Variants in SLC44A5 observed in about 807,000 individuals in gnomAD.
The protein encoded by SLC44A5 is choline transporter-like protein 5.
A neutral mutation model predicts 101.8 loss-of-function variants in SLC44A5; 57 were observed. The ratio of observed to expected loss-of-function variants is 0.56; its 90% CI spans 0.45 to 0.70. The LOEUF (loss-of-function observed/expected upper bound fraction) is 0.70. Ranked by LOEUF, SLC44A5 falls within the 30% of genes least tolerant of loss-of-function variation. The probability of loss-of-function intolerance (pLI) is 0.00; values close to 1 mark genes in which losing one functional copy is unlikely to be tolerated. For missense variants in SLC44A5, 737 were observed against 853.1 expected (o/e 0.86, Z 1.70); for synonymous variants, 281 against 290.9 (o/e 0.97, Z 0.35).
chr1:75,655,410 G>A, the SLC44A5 span, among the ~76,000 whole-genome samples: 2 of 152,220 alleles, frequency 1.3e-5, no homozygotes, highest in African/African-American at 4.8e-5. Context: ...TGTCTAGCAA[G>A]AGGAAAGTGG....
chr1:75,569,305 A>T lies in SLC44A5; in HGVS notation c.-69-27789T>A, dbSNP rs1570636174. 2.0e-5 allele frequency among the ~76,000 whole-genome samples: 3 copies of T among 146,424 alleles called. No individual in the cohort carries two copies. In the South Asian group the frequency reaches 6.5e-4, roughly 31 times the overall value. ...GCCCAGGCTGGAGTGCAGCAGCATA[A>T]TCATGGCTCACTGCAGCTTCTACCT... On this transcript the variant is annotated intron_variant, in intron 1 of 23. Transcript: ENST00000370859.
chr1:75,327,485 G>A (rs1656690062), intron 4 of SLC44A5, among the ~76,000 whole-genome samples: 1 of 152,172 alleles, frequency 6.6e-6, no homozygotes, highest in Non-Finnish European at 1.5e-5. Flanking sequence ...AAGGCTAGCA[G>A]TGAAAAGCTA....
At chr1:75,336,392 G>C (rs780090596) in intron 4 of SLC44A5, among the ~76,000 whole-genome samples, 27 of 152,242 alleles carry the variant, frequency 1.8e-4, no homozygotes, top group Non-Finnish European at 3.5e-4. Flanking sequence ...GGCCTCAACT[G>C]ATCTGCCGGC....
chr1:75,686,765 G>A, the SLC44A5 span, among the ~76,000 whole-genome samples: 1 of 152,216 alleles, frequency 6.6e-6, no homozygotes, highest in African/African-American at 2.4e-5. Flanking sequence ...AGAGATGATG[G>A]TTGCTAGGAG....
At chr1:75,434,555 T>C (rs1385931833) in intron 2 of SLC44A5, among the ~76,000 whole-genome samples, 1 of 152,124 alleles carries the variant, frequency 6.6e-6, no homozygotes, top group Non-Finnish European at 1.5e-5. Context: ...AATCTGTTCC[T>C]ATAAATTCAC....
chr1:75,650,126 G>C, the SLC44A5 span, among the ~76,000 whole-genome samples: 8 of 152,000 alleles, frequency 5.3e-5, no homozygotes, highest in African/African-American at 1.5e-4. Flanking sequence ...ATAATGCATA[G>C]TGGTGAAGTC....
intron 2 of SLC44A5, among the ~76,000 whole-genome samples, chr1:75,396,967 GT>G (rs1284152128): frequency 6.6e-6 from 1 of 152,078 alleles, no homozygotes; most frequent in Non-Finnish European, 1.5e-5. Context: ...GAGGCATTTT[GT>G]TTACTTTCAT....
intron 5 of SLC44A5, among the ~76,000 whole-genome samples, chr1:75,283,834 T>C (rs148496541): frequency 1.3e-5 from 2 of 152,300 alleles, no homozygotes; most frequent in Non-Finnish European, 2.9e-5. Flanking sequence ...CTGGGTTTTC[T>C]ATTCTGCCCC....
chr1:75,385,870 C>T (rs573763064), intron 3 of SLC44A5, among the ~76,000 whole-genome samples: 23 of 152,150 alleles, frequency 1.5e-4, no homozygotes, highest in South Asian at 2.1e-4. Flanking sequence ...ATGATCAAAT[C>T]GGCTTCATCC....
At chr1:75,639,622 T>C in the SLC44A5 span, among the ~76,000 whole-genome samples, 1 of 152,252 alleles carries the variant, frequency 6.6e-6, no homozygotes, top group South Asian at 2.1e-4. Flanking sequence ...CCCCAGTGCA[T>C]GCCATTATAC....
chr1:75,278,257 A>G lies in SLC44A5; in HGVS notation c.176-3215T>C, dbSNP rs1570549856. ...TAAAATATATTAAGTTATTATTAAA[A>G]TTATTTTCACCTGTTTCCCTTTATG... On this transcript the variant is annotated intron_variant, in intron 5 of 23. Transcript: ENST00000370859. Among the ~76,000 whole-genome samples, 5 of 152,104 alleles carry G rather than the reference A, an allele frequency of 3.3e-5. No homozygotes were observed. In the Middle Eastern group the frequency reaches 0.01, roughly 310 times the overall value.
intron 2 of SLC44A5, among the ~76,000 whole-genome samples, chr1:75,411,331 C>A (rs1053064379): frequency 2.0e-5 from 3 of 152,062 alleles, no homozygotes; most frequent in Non-Finnish European, 2.9e-5. Flanking sequence ...TGTCAATGTA[C>A]TAGTCAATTC....
intron 5 of SLC44A5, among the ~76,000 whole-genome samples, chr1:75,278,581 T>C (rs1652125208): frequency 6.6e-6 from 1 of 152,220 alleles, no homozygotes; most frequent in Non-Finnish European, 1.5e-5. Context: ...CTATGTAATA[T>C]GAATGAGAAA....
At chr1:75,500,013 T>C (rs1668872695) in intron 2 of SLC44A5, among the ~76,000 whole-genome samples, 1 of 152,202 alleles carries the variant, frequency 6.6e-6, no homozygotes, top group East Asian at 1.9e-4. Flanking sequence ...GCCCACGTGA[T>C]GTTGAAAGCC....
At chr1:75,519,472 T>C (rs1171776618) in intron 2 of SLC44A5, among the ~76,000 whole-genome samples, 1 of 151,950 alleles carries the variant, frequency 6.6e-6, no homozygotes, top group Non-Finnish European at 1.5e-5. Context: ...GCAGGAGAAT[T>C]GCTTGAACCC....
At chr1:75,367,663 G>T (rs955965800) in intron 3 of SLC44A5, among the ~76,000 whole-genome samples, 1 of 152,208 alleles carries the variant, frequency 6.6e-6, no homozygotes, top group Non-Finnish European at 1.5e-5. Flanking sequence ...GGATGGTGCT[G>T]GTGGCAAGAC....
chr1:75,615,418 C>CTT (rs1675829150), upstream of SLC44A5, among the ~76,000 whole-genome samples: 2 of 43,334 alleles, frequency 4.6e-5, no homozygotes, highest in African/African-American at 1.0e-4. Flanking sequence ...CTCTCTCTTA[C>CTT]ACACACACAC....
At chr1:75,696,366 G>C in the SLC44A5 span, among the ~76,000 whole-genome samples, 1 of 152,162 alleles carries the variant, frequency 6.6e-6, no homozygotes, top group Non-Finnish European at 1.5e-5. Context: ...CAAAGGAAGA[G>C]AACTAGAATA....
At chr1:75,291,936 C>T (rs1337989846) in intron 5 of SLC44A5, among the ~76,000 whole-genome samples, 7 of 150,272 alleles carry the variant, frequency 4.7e-5, no homozygotes, top group African/African-American at 1.7e-4. Flanking sequence ...GGCGTGAACC[C>T]GGGAAGTGGA....
Sources: gnomAD v4.1 joint callset for allele counts (sites outside exome capture counted in the v4.1 genomes callset) on GRCh38, gnomAD v4.1.1 for gene constraint, MANE v1.5 for transcripts, NCBI Gene and HGNC (gene_info 2026-07-23, HGNC 2026-07-21) for gene names.